Variants in TRANK1 observed in about 807,000 individuals in gnomAD.
TRANK1 encodes tetratricopeptide repeat and ankyrin repeat containing 1.
Under a neutral mutation model 266.0 loss-of-function variants are expected in TRANK1, and 198 were observed. The observed-to-expected ratio is 0.74, with a 90% CI of 0.66 to 0.84. TRANK1 has a LOEUF of 0.84. TRANK1 is among the 40% of genes least tolerant of loss of function. TRANK1 has a pLI of 0.00. For missense variants in TRANK1, 3,326 were observed against 3,634.6 expected (o/e 0.92, Z 2.18); for synonymous variants, 1,396 against 1,384.1 (o/e 1.01, Z -0.19).
At position 36,860,970 on chromosome 3, in the gene TRANK1, G is replaced by A. The variant is rs2079133996; in HGVS notation, c.1431C>T (p.Ile477=). 2 of 1,537,764 alleles carry A rather than the reference G, an allele frequency of 1.3e-6. No homozygotes were observed. The highest frequency in any genetic ancestry group is 2.4e-5 in the East Asian group (1 of 40,918). The change falls in exon 11 of 24, where the codon ATC becomes ATT. Residue 477 remains isoleucine (I), a synonymous_variant. Coordinates refer to ENST00000645898, the MANE Select transcript of TRANK1 (RefSeq NM_001329998.2). ...GCTGGTCCCAGGTGCTGAGATGGGG[G>A]ATGATGGTACAGATGTCGAGGTCTG... ...NFSDLDICTI[I]PHLSTWDQRK...
At chr3:36,907,459 ATTTTTTTT>A (rs1212991729) in intron 2 of TRANK1, among the ~76,000 whole-genome samples, 8 of 104,340 alleles carry the variant, frequency 7.7e-5, no homozygotes, top group African/African-American at 3.1e-4. Context: ...AAATTTATTG[ATTTTTTTT>A]TTTTTTTTTT....
intron 6 of TRANK1, 113 bp from the exon 7 acceptor site, chr3:36,892,453 C>G: frequency 1.6e-6 from 2 of 1,289,182 alleles, no homozygotes; most frequent in Non-Finnish European, 2.1e-6. Flanking sequence ...AGCTGTGGTC[C>G]AAGCCTAGGA....
At position 36,841,469 on chromosome 3, in the gene TRANK1, T is replaced by G. The variant is rs535908234; in HGVS notation, c.5280+1153A>C. Among the ~76,000 whole-genome samples, 4 of 152,326 alleles carry G rather than the reference T, an allele frequency of 2.6e-5. No individual in the cohort carries two copies. In the South Asian group the frequency reaches 8.3e-4, roughly 32 times the overall value. ...GCATTTGGTATGGTCATGCCTGTGG[T>G]GTCAGACACTGCTGTTAGTTACCCA... is the stretch of plus-strand genomic sequence containing the variant. On this transcript the variant is annotated intron_variant, in intron 18 of 23. Transcript: ENST00000645898.
Position 36,851,719 on chromosome 3 carries a change from C to G in TRANK1, c.4887G>C (p.Glu1629Asp), listed in dbSNP as rs778772113. ...VLLYNFFTDS[E>D]AYKEWKIISS... Reference sequence around the variant, plus strand: ...GTGAAAAGAATTAGGTGTGACATACCTCAGAATCAGTAAAAAAGTTGTAAA... The same window carrying G: ...GTGAAAAGAATTAGGTGTGACATACGTCAGAATCAGTAAAAAAGTTGTAAA... The change falls in exon 15 of 24, where the codon GAG becomes GAC. Residue 1629 changes from glutamate to aspartate, a missense_variant and splice_region_variant. Coordinates refer to ENST00000645898, the MANE Select transcript of TRANK1 (RefSeq NM_001329998.2). 13 of 1,610,168 alleles carry G rather than the reference C, an allele frequency of 8.1e-6. No homozygotes were observed. Among genetic ancestry groups the G allele is most frequent in the Non-Finnish European group, 1.1e-5 (13 of 1,178,814 alleles).
intron 9 of TRANK1, among the ~76,000 whole-genome samples, chr3:36,868,385 A>G (rs191809868): frequency 1.2e-3 from 186 of 152,336 alleles, no homozygotes; most frequent in Non-Finnish European, 2.4e-3. Context: ...CTTACTGTGT[A>G]TATACACAGA....
At chr3:36,877,744 CA>C (rs929314985) in intron 8 of TRANK1, among the ~76,000 whole-genome samples, 1 of 152,000 alleles carries the variant, frequency 6.6e-6, no homozygotes, top group African/African-American at 2.4e-5. Context: ...GCAAGACTGA[CA>C]AAAAAAGTTT....
At chr3:36,924,686 C>G (rs2080263292) in intron 1 of TRANK1, among the ~76,000 whole-genome samples, 1 of 152,190 alleles carries the variant, frequency 6.6e-6, no homozygotes, top group Non-Finnish European at 1.5e-5. Context: ...ACCCCAGCCC[C>G]CTCCTCGTTG....
At chr3:36,888,045 A>G (rs951155987) in intron 8 of TRANK1, among the ~76,000 whole-genome samples, 2 of 152,200 alleles carry the variant, frequency 1.3e-5, no homozygotes, top group Non-Finnish European at 2.9e-5. Context: ...CTGTACACAA[A>G]TATTTACAGC....
Position 36,930,258 on chromosome 3 carries a change from C to T in TRANK1, c.23+14529G>A, listed in dbSNP as rs781201668. On this transcript the variant is annotated intron_variant, in intron 1 of 23. Transcript: ENST00000645898. ...CGGAGCGGGGAGGAGTGATGAGGAA[C>T]GTGGGTCACCTTAAGGAACAGAGGC... Among the ~76,000 whole-genome samples, 7 of 152,228 alleles carry T rather than the reference C, an allele frequency of 4.6e-5. No homozygotes were observed. The Middle Eastern group carries it at 0.01, about 223-fold the overall frequency.
intron 4 of TRANK1, among the ~76,000 whole-genome samples, chr3:36,898,670 C>T (rs1480686201): frequency 2.0e-5 from 3 of 151,698 alleles, no homozygotes; most frequent in East Asian, 1.9e-4. Flanking sequence ...GCCAATATGG[C>T]GAAACCTCAT....
In TRANK1 at chr3:36,833,776, A is replaced by T. The variant is rs368041756; in HGVS notation, c.5807T>A (p.Ile1936Lys). 2.1e-4 allele frequency: 341 copies of T among 1,613,998 alleles called. No individual in the cohort carries two copies. Among genetic ancestry groups the T allele is most frequent in the Non-Finnish European group, 2.6e-4 (310 of 1,179,890 alleles). ...CTTCAAGAACACCAGCTGGTCTTCT[A>T]TGTCTAGCTTTGAGAGGACAGCCAT... Reference protein sequence around the residue: ...EMMAVLSKLDIEDQLVFLKSR... With the variant: ...EMMAVLSKLDKEDQLVFLKSR... Residue 1936 changes from isoleucine (I) to lysine (K), a missense_variant, in exon 22 of 24, where the codon ATA (isoleucine) becomes AAA (lysine). Ile to Lys is a moderately radical substitution (Grantham distance 102). Coordinates refer to ENST00000645898, the MANE Select transcript of TRANK1 (RefSeq NM_001329998.2).
At chr3:36,864,517 A>T in intron 9 of TRANK1, 37 bp from the exon 10 acceptor site, 2 of 1,490,772 alleles carry the variant, frequency 1.3e-6, no homozygotes, top group Non-Finnish European at 1.8e-6. Context: ...CTGAATACAG[A>T]AATTGCAGCT....
At position 36,855,423 on chromosome 3, in the gene TRANK1, C is replaced by T; in HGVS notation, c.4299G>A (p.Glu1433=). 1 of 1,613,982 alleles carries T rather than the reference C, an allele frequency of 6.2e-7. No individual in the cohort carries two copies. The highest frequency in any genetic ancestry group is 8.5e-7 in the Non-Finnish European group (1 of 1,179,880). Residue 1433 remains glutamate, a synonymous_variant, in exon 13 of 24, where the codon GAG becomes GAA. Coordinates refer to ENST00000645898, the MANE Select transcript of TRANK1 (RefSeq NM_001329998.2). Reference sequence around the variant, plus strand: ...AGTCTTGAATCTCATCACCATAGAGCTCGTGGATGGACCATGGGAGCACCC... The same window carrying T: ...AGTCTTGAATCTCATCACCATAGAGTTCGTGGATGGACCATGGGAGCACCC... The part of the protein sequence containing the change: ...KLRVLPWSIH[E]LYGDEIQDFT...
chr3:36,931,183 T>C (rs947421657), intron 1 of TRANK1, among the ~76,000 whole-genome samples: 1 of 151,806 alleles, frequency 6.6e-6, no homozygotes, highest in Non-Finnish European at 1.5e-5. Context: ...AATAAAAGAC[T>C]AGGACCAACT....
chr3:36,830,994 TAC>T lies in TRANK1; in HGVS notation c.8587_8588del (p.Val2863MetfsTer80), dbSNP rs752561311. 6.2e-7 allele frequency: 1 copy of T among 1,614,030 alleles called. No individual in the cohort carries two copies. Among genetic ancestry groups the T allele is most frequent in the South Asian group, 1.1e-5 (1 of 91,084 alleles). ...TGGAGCCCACGTGACTGTGGATCCA[TAC>T]ACTTTGCTCGATGTCCTGCACCACC... ...KLVVQDIEQS[V>X]WIHSHVGSKE... On this transcript the variant is annotated frameshift_variant, in exon 22 of 24. Transcript: ENST00000645898. LOFTEE classifies it high-confidence loss of function.
intron 2 of TRANK1, among the ~76,000 whole-genome samples, chr3:36,906,122 T>C (rs572643246): frequency 6.6e-6 from 1 of 152,332 alleles, no homozygotes; most frequent in South Asian, 2.1e-4. Context: ...ATCGAGGATC[T>C]CTAGACCCAG....
chr3:36,881,103 A>C (rs1410395138), intron 8 of TRANK1, among the ~76,000 whole-genome samples: 2 of 151,734 alleles, frequency 1.3e-5, no homozygotes, highest in African/African-American at 4.8e-5. Flanking sequence ...TTTCCCCTTT[A>C]AAATATTTTT....
At chr3:36,943,195 G>C (rs1300266895) in intron 1 of TRANK1, among the ~76,000 whole-genome samples, 2 of 151,760 alleles carry the variant, frequency 1.3e-5, no homozygotes, top group South Asian at 2.1e-4. Context: ...CCCTCTGGTG[G>C]GGGGTGGGGG....
intron 9 of TRANK1, among the ~76,000 whole-genome samples, chr3:36,865,024 G>GTTGTTTTTTTTTTTTTT (rs58393381): frequency 1.7e-5 from 2 of 119,808 alleles, no homozygotes; most frequent in East Asian, 2.5e-4. Flanking sequence ...TGTTTTTTTG[G>GTTGTTTTTTTTTTTTTT]TTTTTTTTTT....
Sources: gnomAD v4.1 joint callset for allele counts (sites outside exome capture counted in the v4.1 genomes callset) on GRCh38, gnomAD v4.1.1 for gene constraint, MANE v1.5 for transcripts, NCBI Gene and HGNC (gene_info 2026-07-23, HGNC 2026-07-21) for gene names.